CDH7: variants seen among roughly 807,000 people sequenced by gnomAD.
The protein encoded by CDH7 is cadherin 7.
CDH7 carries 25 observed loss-of-function variants against 71.8 expected under a neutral mutation model. The ratio of observed to expected loss-of-function variants is 0.35; its 90% CI spans 0.25 to 0.49. CDH7 has a LOEUF of 0.49. Ranked by LOEUF, CDH7 falls within the 20% of genes least tolerant of loss-of-function variation. CDH7 has a pLI of 0.99. For missense variants in CDH7, 862 were observed against 974.6 expected (o/e 0.88, Z 1.54); for synonymous variants, 381 against 363.8 (o/e 1.05, Z -0.54).
At chr18:65,804,828 A>T (rs1351046513) in intron 2 of CDH7, among the ~76,000 whole-genome samples, 5 of 152,114 alleles carry the variant, frequency 3.3e-5, no homozygotes, top group African/African-American at 1.2e-4. Context: ...TCTCCTGGGG[A>T]ACATAAACAT....
At chr18:65,792,952 T>C (rs1910766883) in intron 2 of CDH7, among the ~76,000 whole-genome samples, 1 of 152,112 alleles carries the variant, frequency 6.6e-6, no homozygotes, top group South Asian at 2.1e-4. Context: ...GACCCTGCCT[T>C]GGAGGGTTTA....
At chr18:65,791,599 C>T (rs80140839) in intron 2 of CDH7, among the ~76,000 whole-genome samples, 1 of 152,182 alleles carries the variant, frequency 6.6e-6, no homozygotes, top group African/African-American at 2.4e-5. Context: ...AATCCCATGT[C>T]AGATGCTGTG....
chr18:65,861,221 C>G (rs772852397), intron 10 of CDH7, among the ~76,000 whole-genome samples: 2 of 152,090 alleles, frequency 1.3e-5, no homozygotes, highest in African/African-American at 4.8e-5. Flanking sequence ...CATATGAATA[C>G]AGAGAGAGTC....
At chr18:65,853,724 T>A (rs1337912583) in intron 7 of CDH7, among the ~76,000 whole-genome samples, 1 of 151,792 alleles carries the variant, frequency 6.6e-6, no homozygotes, top group Non-Finnish European at 1.5e-5. Flanking sequence ...AAACATGCCC[T>A]GACCTCCTTC....
At position 65,886,796 on chromosome 18, in the gene CDH7, A is replaced by G. The variant is rs1914384140; in HGVS notation, c.*5902A>G. 2 of 152,182 alleles carry G rather than the reference A, an allele frequency of 1.3e-5. No individual in the cohort carries two copies. Among genetic ancestry groups the G allele is most frequent in the Admixed American group, 6.5e-5 (1 of 15,280 alleles). The allele number at this position is 152,182 out of a possible 1,614,324, so 9.4% of individuals were successfully genotyped here. The stretch of plus-strand genomic sequence containing the variant: ...TTAACATGAAAACCATCCTGAATGC[A>G]ATGCACTCTTGATGACTCAAACTCA... On this transcript the variant is annotated 3_prime_UTR_variant, in exon 12 of 12. Coordinates refer to ENST00000397968, the MANE Select transcript of CDH7 (RefSeq NM_004361.5).
chr18:65,764,703 G>A (rs1916301315), intron 2 of CDH7, among the ~76,000 whole-genome samples: 1 of 151,988 alleles, frequency 6.6e-6, no homozygotes, highest in South Asian at 2.1e-4. Context: ...CATATTTTGT[G>A]ACAATGTAAA....
rs2291343 is a variant in CDH7 at position 65,862,780 on chromosome 18, A to G, written c.1727A>G (p.Asn576Ser). 1,129,587 of 1,613,494 alleles carry G rather than the reference A, an allele frequency of 0.7. 402,724 individuals carry two copies. Among genetic ancestry groups the G allele is most frequent in the East Asian group, 0.93 (41,550 of 44,836 alleles). Residue 576 changes from asparagine (N) to serine (S), a missense_variant, in exon 11 of 12, where the codon AAC becomes AGC. By Grantham distance (46) the Asn-to-Ser change is conservative (BLOSUM62 1). Coordinates refer to ENST00000397968, the MANE Select transcript of CDH7 (RefSeq NM_004361.5). ...DSGSPSLSST[N>S]TLTIRVCDCD... ...GGATCTCCCTCACTTAGCAGCACCA[A>G]CACCCTCACCATCCGCGTGTGTGAC...
At chr18:65,838,753 A>G (rs1408241436) in intron 6 of CDH7, among the ~76,000 whole-genome samples, 1 of 152,216 alleles carries the variant, frequency 6.6e-6, no homozygotes. Flanking sequence ...TTGTTTTAAT[A>G]TTGAAAAGGC....
At chr18:65,779,350 T>G (rs1910094384) in intron 2 of CDH7, among the ~76,000 whole-genome samples, 1 of 126,982 alleles carries the variant, frequency 7.9e-6, no homozygotes, top group South Asian at 3.1e-4. Flanking sequence ...ATGTGCACAT[T>G]GTGCAGGTTA....
intron 11 of CDH7, among the ~76,000 whole-genome samples, chr18:65,864,407 GT>G (rs1294279744): frequency 8.4e-4 from 115 of 137,480 alleles, no homozygotes; most frequent in Middle Eastern, 3.8e-3. Flanking sequence ...GTTTTGTTTT[GT>G]TTTTTTTTTT....
Position 65,862,662 on chromosome 18 carries a change from C to A in CDH7, c.1613-4C>A, listed in dbSNP as rs760789548. 34 of 1,613,416 alleles carry A rather than the reference C, an allele frequency of 2.1e-5. No homozygotes were observed. Among genetic ancestry groups the A allele is most frequent in the Non-Finnish European group, 1.4e-5 (17 of 1,179,614 alleles). ...GTGTTATACATTTGCTTTCGTTATC[C>A]TAGACAACACAGCCTCAATACTGAC... On this transcript the variant is annotated splice_region_variant and splice_polypyrimidine_tract_variant and intron_variant, in intron 10 of 11. Transcript: ENST00000397968.
chr18:65,874,585 G>A (rs1914019006), intron 11 of CDH7, among the ~76,000 whole-genome samples: 1 of 151,644 alleles, frequency 6.6e-6, no homozygotes, highest in Non-Finnish European at 1.5e-5. Context: ...TCACTGTTTG[G>A]GTAATGTACA....
chr18:65,870,287 A>T (rs1228589822), intron 11 of CDH7, among the ~76,000 whole-genome samples: 1 of 152,188 alleles, frequency 6.6e-6, no homozygotes, highest in African/African-American at 2.4e-5. Flanking sequence ...ATAAAATTTT[A>T]GCCTTGTGTT....
At chr18:65,764,673 T>C (rs544775961) in intron 2 of CDH7, among the ~76,000 whole-genome samples, 1 of 152,172 alleles carries the variant, frequency 6.6e-6, no homozygotes, top group African/African-American at 2.4e-5. Context: ...TAAAAGGAAG[T>C]AATAGTTATT....
At chr18:65,869,545 ATTTTTTTTTTT>A (rs10696115) in intron 11 of CDH7, among the ~76,000 whole-genome samples, 8 of 91,374 alleles carry the variant, frequency 8.8e-5, no homozygotes, top group Non-Finnish European at 1.2e-4. Flanking sequence ...AAGTGGGTCA[ATTTTTTTTTTT>A]TTTTTTTTTT....
intron 6 of CDH7, among the ~76,000 whole-genome samples, chr18:65,841,832 G>T (rs1912744446): frequency 6.6e-6 from 1 of 152,008 alleles, no homozygotes; most frequent in South Asian, 2.1e-4. Context: ...TCTCTGGTGG[G>T]TTCTCATTCT....
chr18:65,795,274 A>G (rs865948129), intron 2 of CDH7, among the ~76,000 whole-genome samples: 55 of 152,194 alleles, frequency 3.6e-4, no homozygotes, highest in African/African-American at 1.3e-3. Flanking sequence ...AAGCAATGTA[A>G]AAGAAAGATG....
At chr18:65,752,773 T>A (rs1915921300) in intron 1 of CDH7, among the ~76,000 whole-genome samples, 2 of 152,162 alleles carry the variant, frequency 1.3e-5, no homozygotes, top group South Asian at 4.2e-4. Flanking sequence ...GCTAGCCGAG[T>A]CTGTCTGAGG....
At chr18:65,875,095 T>G (rs1914036137) in intron 11 of CDH7, among the ~76,000 whole-genome samples, 1 of 152,218 alleles carries the variant, frequency 6.6e-6, no homozygotes, top group South Asian at 2.1e-4. Context: ...GGTCATCAGC[T>G]ATCATTAGTG....
Sources: allele counts gnomAD v4.1 joint callset (sites outside exome capture counted in the v4.1 genomes callset), GRCh38; gene constraint gnomAD v4.1.1; transcripts MANE v1.5; gene names NCBI Gene and HGNC (gene_info 2026-07-23, HGNC 2026-07-21).